The following SPIRE2 variants were observed in gnomAD, a reference collection of about 807,000 sequenced individuals.
SPIRE2 encodes the protein protein spire homolog 2.
In SPIRE2, 76 loss-of-function variants were observed where a neutral mutation model predicts 80.7. The observed-to-expected ratio is 0.94, with a 90% CI of 0.78 to 1.14. The LOEUF (loss-of-function observed/expected upper bound fraction) is 1.14, where lower values mean the gene tolerates loss of function less well. Among genes scored for constraint, SPIRE2 ranks in the 50% most tolerant of loss-of-function variants. The pLI, the probability that SPIRE2 is intolerant of heterozygous loss-of-function variation, is 0.00. For missense variants in SPIRE2, 1,196 were observed against 1,015.3 expected (o/e 1.18, Z -2.42); for synonymous variants, 535 against 432.6 (o/e 1.24, Z -2.94).
chr16:89,856,235 C>G lies in SPIRE2; in HGVS notation c.1101C>G (p.Arg367=). The part of the protein sequence containing the change: ...RPVRGEGWAA[R]GFGSLPCILN... The stretch of plus-strand genomic sequence containing the variant: ...TGCGGGGCGAGGGCTGGGCTGCCCG[C>G]GGTGAGTGAGGGGATGGCAGGAGAA... Residue 367 remains arginine, a splice_region_variant and synonymous_variant, in exon 7 of 15, where the codon CGC becomes CGG. Transcript: ENST00000378247. The G allele has an allele frequency of 1.3e-6, 2 of 1,569,090 alleles. No individual in the cohort carries two copies. Among genetic ancestry groups the G allele is most frequent in the African/African-American group, 2.7e-5 (2 of 74,368 alleles).
chr16:89,833,788 G>A (rs926983623), intron 1 of SPIRE2, among the ~76,000 whole-genome samples: 2 of 152,230 alleles, frequency 1.3e-5, no homozygotes, highest in East Asian at 1.9e-4. Flanking sequence ...ATCCCGACCG[G>A]ATTCTCAGGG....
Position 89,850,335 on chromosome 16 carries a change from G to T in SPIRE2, c.320G>T (p.Arg107Leu), listed in dbSNP as rs746354602. 5.6e-6 allele frequency: 9 copies of T among 1,601,206 alleles called. No homozygotes were observed. Among genetic ancestry groups the T allele is most frequent in the South Asian group, 1.1e-5 (1 of 89,432 alleles). ...CAGTCCCTCGGCTTCGCCATCTACC[G>T]CGCGCTGGACTGGGGGCTGGACGAG... Reference protein sequence around the residue: ...TVQSLGFAIYRALDWGLDESE... With the variant: ...TVQSLGFAIYLALDWGLDESE... The change falls in exon 3 of 15, where the codon CGC becomes CTC. Residue 107 changes from arginine to leucine, a missense_variant. By Grantham distance (102) the Arg-to-Leu change is moderately radical. Transcript: ENST00000378247.
chr16:89,848,526 T>C (rs4785730), intron 2 of SPIRE2, among the ~76,000 whole-genome samples: 89,340 of 131,192 alleles, frequency 0.68, 29,565 homozygotes, highest in East Asian at 0.85. Flanking sequence ...GGGCCTTCTG[T>C]GGTGTTTCTG....
chr16:89,859,102 A>C, intron 8 of SPIRE2, 63 bp from the exon 9 acceptor site: 1 of 1,412,610 alleles, frequency 7.1e-7, no homozygotes, highest in Non-Finnish European at 9.5e-7. Context: ...GCTTCATTCC[A>C]GGCATGGGCA....
In SPIRE2 at chr16:89,854,353, G is replaced by A. The variant is rs1264990188; in HGVS notation, c.713G>A (p.Gly238Asp). 2.5e-6 allele frequency: 4 copies of A among 1,612,384 alleles called. No homozygotes were observed. The highest frequency in any genetic ancestry group is 3.4e-6 in the Non-Finnish European group (4 of 1,179,858). Residue 238 changes from glycine (G) to aspartate (D), a missense_variant, in exon 4 of 15, where the codon GGT becomes GAT. Coordinates refer to ENST00000378247, the MANE Select transcript of SPIRE2 (RefSeq NM_032451.2). The stretch of plus-strand genomic sequence containing the variant: ...CCTCGGGCAGAGCTGGACAGCCTGG[G>A]TCACACAGACTGGGTAAGGCTCACT... Reference protein sequence around the residue: ...ETPRAELDSLGHTDWARLWVQ... With the variant: ...ETPRAELDSLDHTDWARLWVQ...
chr16:89,833,028 T>A (rs1426885078), intron 1 of SPIRE2, among the ~76,000 whole-genome samples: 1 of 148,434 alleles, frequency 6.7e-6, no homozygotes, highest in Non-Finnish European at 1.5e-5. Context: ...TTTCGCTCTG[T>A]TGCCTAGGCT....
intron 14 of SPIRE2, 64 bp downstream of exon 14, chr16:89,869,746 C>G (rs577025816): frequency 1.5e-6 from 2 of 1,305,820 alleles, no homozygotes; most frequent in African/African-American, 2.9e-5. Flanking sequence ...AACTTGGGAG[C>G]TGGGGTGGAG....
rs1387955188 is a variant in SPIRE2 at position 89,870,317 on chromosome 16, G to A, written c.*45G>A. 3 of 1,329,288 alleles carry A rather than the reference G, an allele frequency of 2.3e-6. No homozygotes were observed. The highest frequency in any genetic ancestry group is 2.1e-6 in the Non-Finnish European group (2 of 946,516). 82.3% of individuals were successfully genotyped at this position (1,329,288 alleles called of 1,614,324 possible). The stretch of plus-strand genomic sequence containing the variant: ...CTCCAGGAGGCACCAGGCAGGCCCT[G>A]TATCAGGCTAGGACGCTCTGAGCTG... On this transcript the variant is annotated 3_prime_UTR_variant, in exon 15 of 15. Transcript: ENST00000378247.
chr16:89,864,187 C>T (rs987613883), intron 12 of SPIRE2, among the ~76,000 whole-genome samples: 3 of 152,150 alleles, frequency 2.0e-5, no homozygotes, highest in African/African-American at 7.2e-5. Flanking sequence ...GCAAGCCTGC[C>T]ATCACCACAG....
intron 14 of SPIRE2, 81 bp downstream of exon 14, chr16:89,869,763 G>A: frequency 9.2e-7 from 1 of 1,089,300 alleles, no homozygotes; most frequent in Non-Finnish European, 1.4e-6. Flanking sequence ...GGAGGGGGCT[G>A]GCTTTGTCTG....
chr16:89,853,105 C>G (rs1206454405), intron 3 of SPIRE2, among the ~76,000 whole-genome samples: 1 of 152,310 alleles, frequency 6.6e-6, no homozygotes, highest in East Asian at 1.9e-4. Flanking sequence ...AGCAGACGGT[C>G]CTCCTGCTGT....
Position 89,863,861 on chromosome 16 carries a change from G to C in SPIRE2, c.1778G>C (p.Arg593Thr). The change falls in exon 12 of 15, where the codon AGA becomes ACA. Residue 593 changes from arginine to threonine, a missense_variant and splice_region_variant. By Grantham distance (71) the Arg-to-Thr change is moderately conservative. Transcript: ENST00000378247. This position sits in a 1 kb window ranked among gnomAD's most constrained non-coding sequence, Gnocchi z 4.3. Reference sequence around the variant, plus strand: ...CCGCCCAGCTGTCTCTTCTGCAAGAGGTGAGCCTTCCCTTTAGCTGTCAGT... The same window carrying C: ...CCGCCCAGCTGTCTCTTCTGCAAGACGTGAGCCTTCCCTTTAGCTGTCAGT... ...SWPPSCLFCK[R>T]AVCTSCSIKM... is the part of the protein sequence containing the mutation. The C allele has an allele frequency of 1.2e-6, 2 of 1,612,976 alleles. No individual in the cohort carries two copies. The highest frequency in any genetic ancestry group is 1.7e-6 in the Non-Finnish European group (2 of 1,179,304).
At chr16:89,835,763 G>T (rs2041442451) in intron 1 of SPIRE2, among the ~76,000 whole-genome samples, 1 of 152,196 alleles carries the variant, frequency 6.6e-6, no homozygotes, top group South Asian at 2.1e-4. Flanking sequence ...AGGACACCTG[G>T]AGGAAGGGCC....
At position 89,844,432 on chromosome 16, in the gene SPIRE2, T is replaced by A. The variant is rs374800281; in HGVS notation, c.245-890T>A. Reference sequence around the variant, plus strand: ...CTCAAGTGGTCCACCCACCTCAGCCTCCCAAAGTAATTTTTTTTTTTTTTG... The same window carrying A: ...CTCAAGTGGTCCACCCACCTCAGCCACCCAAAGTAATTTTTTTTTTTTTTG... On this transcript the variant is annotated intron_variant, in intron 1 of 14. Coordinates refer to ENST00000378247, the MANE Select transcript of SPIRE2 (RefSeq NM_032451.2). Among the ~76,000 whole-genome samples, 105 of 151,278 alleles carry A rather than the reference T, an allele frequency of 6.9e-4. 2 individuals are homozygous for A. In the South Asian group the frequency reaches 0.012, roughly 17 times the overall value.
Position 89,831,558 on chromosome 16 carries a change from C to T in SPIRE2, c.244+2764C>T, listed in dbSNP as rs926627021. On this transcript the variant is annotated intron_variant, in intron 1 of 14. Transcript: ENST00000378247. ...GACTACATGCGCCCGCCACCACGCC[C>T]GGCTAATTTTTTGTATTTTTAGTAG... Among the ~76,000 whole-genome samples, 55 of 150,290 alleles carry T rather than the reference C, an allele frequency of 3.7e-4. 2 individuals are homozygous for T. Among genetic ancestry groups the T allele is most frequent in the Non-Finnish European group, 3.6e-4 (24 of 67,004 alleles).
intron 1 of SPIRE2, among the ~76,000 whole-genome samples, chr16:89,834,856 G>A (rs1271447176): frequency 2.7e-4 from 38 of 142,846 alleles, no homozygotes; most frequent in Non-Finnish European, 4.6e-4. Flanking sequence ...AGCATAGCCC[G>A]TGTGAATCTG....
In SPIRE2 at chr16:89,850,516, C is replaced by T. The variant is rs766626426; in HGVS notation, c.501C>T (p.Thr167=). 7 of 1,524,916 alleles carry T rather than the reference C, an allele frequency of 4.6e-6. No homozygotes were observed. Among genetic ancestry groups the T allele is most frequent in the Non-Finnish European group, 5.3e-6 (6 of 1,140,394 alleles). 94.5% of individuals were successfully genotyped at this position (1,524,916 alleles called of 1,614,324 possible). The change falls in exon 3 of 15, where the codon ACC becomes ACT. Residue 167 remains threonine, a synonymous_variant. Transcript: ENST00000378247. ...EAEGVPRSVR[T]FAQAMRLCAA... ...AGGGCGTCCCCCGCAGCGTGCGCAC[C>T]TTTGCCCAGGCCATGCGGCTGTGCG...
chr16:89,867,632 TG>T (rs1360771030), intron 12 of SPIRE2, among the ~76,000 whole-genome samples: 1 of 151,270 alleles, frequency 6.6e-6, no homozygotes, highest in African/African-American at 2.4e-5. Flanking sequence ...TCCCCCAGGC[TG>T]GAGTGCAGTG....
At position 89,856,072 on chromosome 16, in the gene SPIRE2, G is replaced by A. The variant is rs2041688292; in HGVS notation, c.979-41G>A. ...CCGCAGGTCCCGCTTCCCCACCGCA[G>A]GTCCTGCTTCCCCACCGCAGGTCTC... On this transcript the variant is annotated intron_variant, in intron 6 of 14. Transcript: ENST00000378247. The A allele has an allele frequency of 1.9e-6, 3 of 1,590,898 alleles. No homozygotes were observed. The East Asian group carries it at 6.9e-5, about 37-fold the overall frequency.
Sources: allele counts gnomAD v4.1 joint callset (sites outside exome capture counted in the v4.1 genomes callset), GRCh38; gene constraint gnomAD v4.1.1; non-coding constraint Gnocchi (gnomAD v3.1); transcripts MANE v1.5; gene names NCBI Gene and HGNC (gene_info 2026-07-23, HGNC 2026-07-21).